Variants in ADAMTS1 observed in about 807,000 individuals in gnomAD.
ADAMTS1 encodes the protein ADAM metallopeptidase with thrombospondin type 1 motif 1, also known as A disintegrin and metalloproteinase with thrombospondin motifs 1.
Under a neutral mutation model 87.9 loss-of-function variants are expected in ADAMTS1, and 19 were observed. The ratio of observed to expected loss-of-function variants is 0.22; its 90% CI spans 0.15 to 0.32. ADAMTS1 has a LOEUF of 0.32. Ranked by LOEUF, ADAMTS1 falls within the 10% of genes least tolerant of loss-of-function variation. The pLI is 1.00. For synonymous variants in ADAMTS1, 542 were observed against 501.8 expected, an observed-to-expected ratio of 1.08 and a Z score of -1.07; for missense variants, 1,240 against 1,259.1, an observed-to-expected ratio of 0.98 and a Z score of 0.23.
Position 26,844,966 on chromosome 21 carries a change from G to C in ADAMTS1, c.-12C>G. On this transcript the variant is annotated 5_prime_UTR_variant, in exon 1 of 9. Coordinates refer to ENST00000284984, the MANE Select transcript of ADAMTS1 (RefSeq NM_006988.5). ...ACAGCTCGCTGCATTGGAGCCCCAG[G>C]AGACACCGCTCGTAGCAGCGCACGG... 6.7e-7 allele frequency: 1 copy of C among 1,498,060 alleles called. No individual in the cohort carries two copies. The highest frequency in any genetic ancestry group is 8.9e-7 in the Non-Finnish European group (1 of 1,127,004). 92.8% of individuals were successfully genotyped at this position (1,498,060 alleles called of 1,614,324 possible).
chr21:26,840,785 C>T (rs868414052), intron 4 of ADAMTS1, among the ~76,000 whole-genome samples: 4 of 152,054 alleles, frequency 2.6e-5, no homozygotes, highest in South Asian at 2.1e-4. Flanking sequence ...TATTGATCTG[C>T]GAACAATGTG....
chr21:26,839,694 G>A lies in ADAMTS1; in HGVS notation c.1921C>T (p.Pro641Ser). 6.2e-7 allele frequency: 1 copy of A among 1,613,698 alleles called. No homozygotes were observed. The highest frequency in any genetic ancestry group is 8.5e-7 in the Non-Finnish European group (1 of 1,179,654). The change falls in exon 7 of 9, where the codon CCT (proline) becomes TCT (serine). Residue 641 changes from proline to serine, a missense_variant. Around this residue, in one of 3 missense-constraint regions of ADAMTS1, gnomAD observed 402 missense variants for 399.1 expected, o/e 1.01. Transcript: ENST00000284984. ...EFSKASFGSG[P>S]AVEWIPKYAG... The stretch of plus-strand genomic sequence containing the variant: ...TACTTGGGAATCCATTCCACCGCAG[G>A]CCCACTCCCAAAGGAAGCTTTTGAA...
intron 8 of ADAMTS1, 70 bp downstream of exon 8, chr21:26,838,369 T>C: frequency 1.9e-6 from 3 of 1,582,756 alleles, no homozygotes; most frequent in East Asian, 2.2e-5. Flanking sequence ...ATGAGACATA[T>C]TTTTTTCCCA....
rs1019646898 is a variant in ADAMTS1 at position 26,839,583 on chromosome 21, C to T, written c.2028+4G>A. 1 of 1,529,740 alleles carries T rather than the reference C, an allele frequency of 6.5e-7. No homozygotes were observed. Among genetic ancestry groups the T allele is most frequent in the Non-Finnish European group, 8.8e-7 (1 of 1,133,868 alleles). 94.8% of individuals were successfully genotyped at this position (1,529,740 alleles called of 1,614,324 possible). On this transcript the variant is annotated splice_donor_region_variant and intron_variant, in intron 7 of 8. Transcript: ENST00000284984. ...TAGGTAAAAATAAGGTAAAAACGAA[C>T]TACCTTGGGCTGCAAAACGAAGAAG...
intron 1 of ADAMTS1, among the ~76,000 whole-genome samples, 161 bp downstream of exon 1, chr21:26,844,064 C>G (rs1985554024): frequency 1.3e-5 from 2 of 152,222 alleles, no homozygotes; most frequent in Admixed American, 1.3e-4. Flanking sequence ...GCTGAGTTCA[C>G]CAATCCAAAC....
rs1182843071 is a variant in ADAMTS1 at position 26,841,443 on chromosome 21, C to T, written c.1211-278G>A. 1.6e-5 allele frequency: 5 copies of T among 322,538 alleles called. No homozygotes were observed. The East Asian group carries it at 2.9e-4, about 19-fold the overall frequency. The allele number at this position is 322,538 out of a possible 1,614,324, so 20.0% of individuals were successfully genotyped here. A position where few individuals can be genotyped will look rare whatever the true frequency, so the allele number is the denominator to read the frequency against. On this transcript the variant is annotated intron_variant, in intron 3 of 8. Coordinates refer to ENST00000284984, the MANE Select transcript of ADAMTS1 (RefSeq NM_006988.5). ...GCAGTGAGCCGAGATTGTGCCACTC[C>T]ACTCCAGCCTGGGAGACAGAGTGAG...
rs1482178437 is a variant in ADAMTS1, at chr21:26,837,141, A to C, written c.*438T>G. On this transcript the variant is annotated 3_prime_UTR_variant, in exon 9 of 9. Coordinates refer to ENST00000284984, the MANE Select transcript of ADAMTS1 (RefSeq NM_006988.5). ...CTCCTTTCTCCCCCCATTGTTAGTG[A>C]GGTAAAGTAAAACAGGTCTTAGTAA... 1.2e-5 allele frequency: 2 copies of C among 165,128 alleles called. No individual in the cohort carries two copies. Among genetic ancestry groups the C allele is most frequent in the Non-Finnish European group, 2.7e-5 (2 of 74,612 alleles). The allele number at this position is 165,128 out of a possible 1,614,324, so 10.2% of individuals were successfully genotyped here.
rs1351921358 is a variant in ADAMTS1 at position 26,837,880 on chromosome 21, T to A, written c.2603A>T (p.Lys868Met). Reference sequence around the variant, plus strand: ...TCTCTGCCAACCCAATTCACATGACTTAGAACATTCGCCCCACTCTTCAAT... The same window carrying A: ...TCTCTGCCAACCCAATTCACATGACATAGAACATTCGCCCCACTCTTCAAT... ...WVIEEWGECS[K>M]SCELGWQRRL... Residue 868 changes from lysine to methionine, a missense_variant, in exon 9 of 9, where the codon AAG (lysine) becomes ATG (methionine). Physicochemically the swap from Lys to Met is moderately conservative, Grantham distance 95. Coordinates refer to ENST00000284984, the MANE Select transcript of ADAMTS1 (RefSeq NM_006988.5). The A allele has an allele frequency of 1.2e-6, 2 of 1,614,188 alleles. No individual in the cohort carries two copies. Among genetic ancestry groups the A allele is most frequent in the South Asian group, 2.2e-5 (2 of 91,084 alleles).
Position 26,836,258 on chromosome 21 carries a change from A to G in ADAMTS1, c.*1321T>C, listed in dbSNP as rs1348223534. 6.6e-6 allele frequency: 1 copy of G among 152,240 alleles called. No individual in the cohort carries two copies. The highest frequency in any genetic ancestry group is 1.5e-5 in the Non-Finnish European group (1 of 68,038). The allele number at this position is 152,240 out of a possible 1,614,324, so 9.4% of individuals were successfully genotyped here. On this transcript the variant is annotated 3_prime_UTR_variant, in exon 9 of 9. Coordinates refer to ENST00000284984, the MANE Select transcript of ADAMTS1 (RefSeq NM_006988.5). ...CCTCAGGTTTCCTTCCTAGGAATGA[A>G]TTCCCACTTCAAAAAACAGACACAC...
At chr21:26,839,107 T>G (rs1322726289) in intron 7 of ADAMTS1, 2 of 159,564 alleles carry the variant, frequency 1.3e-5, no homozygotes, top group East Asian at 1.8e-4. Flanking sequence ...ATGATGCTTT[T>G]CCTAGTTCAA....
In ADAMTS1 at chr21:26,838,074, G is replaced by A. The variant is rs1985410826; in HGVS notation, c.2409C>T (p.Gly803=). 4 of 1,614,188 alleles carry A rather than the reference G, an allele frequency of 2.5e-6. No individual in the cohort carries two copies. Among genetic ancestry groups the A allele is most frequent in the Non-Finnish European group, 3.4e-6 (4 of 1,180,024 alleles). ...MYKGVVLRYS[G]SSAALERIRS... Reference sequence around the variant, plus strand: ...GAATTCTTTCCAATGCCGCAGAGGAGCCGCTGTACCTCAAGACAACACCTT... The same window carrying A: ...GAATTCTTTCCAATGCCGCAGAGGAACCGCTGTACCTCAAGACAACACCTT... The change falls in exon 9 of 9, where the codon GGC becomes GGT. Residue 803 remains glycine, a synonymous_variant. Coordinates refer to ENST00000284984, the MANE Select transcript of ADAMTS1 (RefSeq NM_006988.5).
chr21:26,842,190 T>C (rs1985508129), intron 2 of ADAMTS1, 149 bp downstream of exon 2: 1 of 1,018,358 alleles, frequency 9.8e-7, no homozygotes, highest in Non-Finnish European at 1.4e-6. Context: ...GATATTTAAA[T>C]TACAGTAGAA....
chr21:26,845,041 C>T lies in ADAMTS1; in HGVS notation c.-87G>A. On this transcript the variant is annotated 5_prime_UTR_variant, in exon 1 of 9. Transcript: ENST00000284984. ...GGGAGAGCAAAGCCTCGTTGGCCTG[C>T]TCTGGATTGTTAAAATTAACAATTT... The T allele has an allele frequency of 7.2e-7, 1 of 1,385,186 alleles. No individual in the cohort carries two copies. Among genetic ancestry groups the T allele is most frequent in the Middle Eastern group, 2.0e-4 (1 of 5,110 alleles). 85.8% of individuals were successfully genotyped at this position (1,385,186 alleles called of 1,614,324 possible).
At chr21:26,844,185 G>A in intron 1 of ADAMTS1, 40 bp downstream of exon 1, 1 of 1,516,326 alleles carries the variant, frequency 6.6e-7, no homozygotes. Context: ...AGTGAGGAGA[G>A]GAGGATGAAT....
At position 26,838,258 on chromosome 21, in the gene ADAMTS1, A is replaced by G. The variant is rs200052788; in HGVS notation, c.2225T>C (p.Ile742Thr). ...GTTGGTGGCTCCAGTTGGAATTGTGATGATATCATGATATCCAGGTCTGCA... is the reference window on the plus strand; with the variant it reads ...GTTGGTGGCTCCAGTTGGAATTGTGGTGATATCATGATATCCAGGTCTGCA... ...TSAKPGYHDI[I>T]TIPTGATNIE... The change falls in exon 9 of 9, where the codon ATC becomes ACC. Residue 742 changes from isoleucine (I) to threonine (T), a missense_variant. Coordinates refer to ENST00000284984, the MANE Select transcript of ADAMTS1 (RefSeq NM_006988.5). The G allele has an allele frequency of 3.1e-6, 5 of 1,608,630 alleles. No homozygotes were observed. The East Asian group carries it at 1.1e-4, about 36-fold the overall frequency.
At chr21:26,840,640 T>G in intron 4 of ADAMTS1, 78 bp from the exon 5 acceptor site, 1 of 1,478,592 alleles carries the variant, frequency 6.8e-7, no homozygotes, top group Admixed American at 2.0e-5. Context: ...CAGAAAATAT[T>G]TATCATATGA....
At position 26,838,192 on chromosome 21, in the gene ADAMTS1, T is replaced by C. The variant is rs758602939; in HGVS notation, c.2291A>G (p.Asn764Ser). The C allele has an allele frequency of 4.3e-6, 7 of 1,614,154 alleles. No homozygotes were observed. Among genetic ancestry groups the C allele is most frequent in the Non-Finnish European group, 5.9e-6 (7 of 1,180,012 alleles). The change falls in exon 9 of 9, where the codon AAT (asparagine) becomes AGT (serine). Residue 764 changes from asparagine to serine, a missense_variant. Around this residue, in one of 3 missense-constraint regions of ADAMTS1, gnomAD observed 402 missense variants for 399.1 expected, o/e 1.01. Transcript: ENST00000284984. Reference protein sequence around the residue: ...KQRNQRGSRNNGSFLAIKAAD... With the variant: ...KQRNQRGSRNSGSFLAIKAAD... ...AGCTTTGATGGCAAGAAAGCTGCCA[T>C]TGTTCCTGGATCCCCTCTGGTTCCG...
chr21:26,844,853 G>T lies in ADAMTS1; in HGVS notation c.102C>A (p.Pro34=), dbSNP rs754487661. 1.9e-6 allele frequency: 3 copies of T among 1,562,208 alleles called. No individual in the cohort carries two copies. The highest frequency in any genetic ancestry group is 2.6e-6 in the Non-Finnish European group (3 of 1,154,612). The change falls in exon 1 of 9, where the codon CCC becomes CCA. Residue 34 remains proline (P), a synonymous_variant. Coordinates refer to ENST00000284984, the MANE Select transcript of ADAMTS1 (RefSeq NM_006988.5). ...GCGCCGCGGCGAGCAGCAGCAGCGTGGGTACTGGCCCAAAGCTCCGAGACC... is the reference window on the plus strand; with the variant it reads ...GCGCCGCGGCGAGCAGCAGCAGCGTTGGTACTGGCCCAAAGCTCCGAGACC... ...APGSRSFGPV[P]TLLLLAAALL...
chr21:26,836,335 C>CT lies in ADAMTS1; in HGVS notation c.*1243dup, dbSNP rs1263081302. 7 of 152,504 alleles carry CT rather than the reference C, an allele frequency of 4.6e-5. No individual in the cohort carries two copies. In the East Asian group the frequency reaches 1.4e-3, roughly 29 times the overall value. The allele number at this position is 152,504 out of a possible 1,614,324, so 9.4% of individuals were successfully genotyped here. ...TAGTAACATATATTGTATAAATACT[C>CT]TATTTTATATGCACTTCCACAAAAG... On this transcript the variant is annotated 3_prime_UTR_variant, in exon 9 of 9. Transcript: ENST00000284984.
Sources: gnomAD v4.1 joint callset for allele counts (sites outside exome capture counted in the v4.1 genomes callset) on GRCh38, gnomAD v4.1.1 for gene constraint, gnomAD v4.1.1 regional missense constraint, MANE v1.5 for transcripts, NCBI Gene and HGNC (gene_info 2026-07-23, HGNC 2026-07-21) for gene names.